EPC1: variants seen among roughly 807,000 people sequenced by gnomAD.
EPC1 encodes the protein enhancer of polycomb homolog 1.
In EPC1, 12 loss-of-function variants were observed where a neutral mutation model predicts 98.4. The observed-to-expected ratio is 0.12, with a 90% CI of 0.08 to 0.20. The LOEUF is 0.20. EPC1 is among the 10% of genes least tolerant of loss of function. The pLI, the probability that EPC1 is intolerant of heterozygous loss-of-function variation, is 1.00. For synonymous variants in EPC1, 357 were observed against 363.9 expected, an observed-to-expected ratio of 0.98 and a Z score of 0.21; for missense variants, 729 against 990.5, an observed-to-expected ratio of 0.74 and a Z score of 3.54.
At chr10:32,327,875 C>T (rs189752876) in intron 1 of EPC1, among the ~76,000 whole-genome samples, 16 of 152,302 alleles carry the variant, frequency 1.1e-4, no homozygotes, top group African/African-American at 9.6e-5. Flanking sequence ...TTGACTGAAA[C>T]GTCACTATGC....
At chr10:32,372,819 G>T (rs563665117) in intron 1 of EPC1, among the ~76,000 whole-genome samples, 1 of 152,162 alleles carries the variant, frequency 6.6e-6, no homozygotes, top group African/African-American at 2.4e-5. Flanking sequence ...TCAGGAGTTC[G>T]AGACTAGCCT....
intron 1 of EPC1, among the ~76,000 whole-genome samples, chr10:32,377,702 T>TC (rs1425038795): frequency 6.6e-6 from 1 of 152,186 alleles, no homozygotes; most frequent in Non-Finnish European, 1.5e-5. Context: ...TCTTTTTTTT[T>TC]CTTCCTTTTT....
intron 10 of EPC1, among the ~76,000 whole-genome samples, chr10:32,277,367 C>G (rs894135277): frequency 3.9e-5 from 6 of 152,146 alleles, no homozygotes; most frequent in Non-Finnish European, 8.8e-5. Context: ...GGTATGCTTC[C>G]ATGAGCAAAC....
chr10:32,323,319 A>C (rs1837051372), intron 1 of EPC1, among the ~76,000 whole-genome samples: 1 of 152,196 alleles, frequency 6.6e-6, no homozygotes, highest in South Asian at 2.1e-4. Flanking sequence ...CTGGTTAAAA[A>C]ATAAAAGGGA....
chr10:32,354,764 G>A (rs186381443), intron 1 of EPC1, among the ~76,000 whole-genome samples: 5 of 152,206 alleles, frequency 3.3e-5, no homozygotes, highest in African/African-American at 9.6e-5. Flanking sequence ...TGTATTTACA[G>A]CCAATCCCTA....
At position 32,287,282 on chromosome 10, in the gene EPC1, A is replaced by G; in HGVS notation, c.976-8T>C. On this transcript the variant is annotated splice_region_variant and splice_polypyrimidine_tract_variant and intron_variant, in intron 6 of 13. Coordinates refer to ENST00000319778, the MANE Select transcript of EPC1 (RefSeq NM_001272004.3). The stretch of plus-strand genomic sequence containing the variant: ...AAGATCGGCTTTATCTTGCTGCAAC[A>G]AAGACATGAATTAATTATACACCAG... 1 of 1,613,492 alleles carries G rather than the reference A, an allele frequency of 6.2e-7. No individual in the cohort carries two copies. Among genetic ancestry groups the G allele is most frequent in the East Asian group, 2.2e-5 (1 of 44,884 alleles).
intron 2 of EPC1, among the ~76,000 whole-genome samples, chr10:32,300,351 C>G (rs61844512): frequency 0.043 from 6,557 of 151,846 alleles, 192 homozygotes; most frequent in Non-Finnish European, 0.061. Flanking sequence ...CCCATTAACT[C>G]GTCATTTACA....
intron 10 of EPC1, among the ~76,000 whole-genome samples, chr10:32,276,123 C>T (rs1375939747): frequency 6.6e-6 from 1 of 152,098 alleles, no homozygotes; most frequent in Non-Finnish European, 1.5e-5. Flanking sequence ...GTCTAGGGGC[C>T]AAAAGACCTT....
intron 1 of EPC1, among the ~76,000 whole-genome samples, chr10:32,342,868 C>A (rs1227746045): frequency 8.5e-5 from 13 of 152,086 alleles, no homozygotes. Context: ...GAATTGTTAA[C>A]AACATAAAGC....
intron 1 of EPC1, among the ~76,000 whole-genome samples, chr10:32,361,528 T>C (rs1839443068): frequency 6.6e-6 from 1 of 152,228 alleles, no homozygotes; most frequent in South Asian, 2.1e-4. Context: ...TTTACTGTTT[T>C]CTCTTCTTTT....
intron 9 of EPC1, 70 bp downstream of exon 9, chr10:32,286,624 C>T: frequency 6.4e-7 from 1 of 1,559,288 alleles, no homozygotes; most frequent in Middle Eastern, 2.2e-4. Flanking sequence ...GATTACCTGA[C>T]TTTAAAAGTT....
intron 1 of EPC1, among the ~76,000 whole-genome samples, chr10:32,311,130 G>A (rs1329830923): frequency 1.3e-5 from 2 of 152,016 alleles, no homozygotes; most frequent in Non-Finnish European, 2.9e-5. Flanking sequence ...CTAACACGGT[G>A]AAACCCTGTC....
rs149145307 is a variant in EPC1 at position 32,358,364 on chromosome 10, A to G, written c.3+20127T>C. Among the ~76,000 whole-genome samples the G allele has an allele frequency of 3.9e-3, 594 of 152,198 alleles. 3 individuals carry two copies. The highest frequency in any genetic ancestry group is 0.014 in the African/African-American group (565 of 41,534). On this transcript the variant is annotated intron_variant, in intron 1 of 13. Transcript: ENST00000375110. ...AATAAAAATAAAAAGTGGGTTTAGGATGGGTGTGGTGTCTCACACCTTTAA... is the reference window on the plus strand; with the variant it reads ...AATAAAAATAAAAAGTGGGTTTAGGGTGGGTGTGGTGTCTCACACCTTTAA...
At chr10:32,271,266 C>T (rs1456035416) in intron 13 of EPC1, among the ~76,000 whole-genome samples, 1 of 152,178 alleles carries the variant, frequency 6.6e-6, no homozygotes, top group Non-Finnish European at 1.5e-5. Context: ...GCTAGGATTA[C>T]AGGCGTGAGC....
intron 2 of EPC1, among the ~76,000 whole-genome samples, chr10:32,295,483 T>G (rs1835098847): frequency 6.6e-6 from 1 of 152,200 alleles, no homozygotes; most frequent in South Asian, 2.1e-4. Context: ...GTATTCAGAC[T>G]ATAAAAATTT....
In EPC1 at chr10:32,290,505, A is replaced by AAAAAAAAAAGAAAGAAAG. The variant is rs1554819136; in HGVS notation, c.975+657_975+658insCTTTCTTTCTTTTTTTTT. ...TGTCAAAAAAAAAAAAAAAAAAAAA[A>AAAAAAAAAAGAAAGAAAG]AAAGAAAGAAAGAAAAACTCATCTG... On this transcript the variant is annotated intron_variant, in intron 6 of 13. Coordinates refer to ENST00000319778, the MANE Select transcript of EPC1 (RefSeq NM_001272004.3). Among the ~76,000 whole-genome samples, 61 of 77,496 alleles carry AAAAAAAAAAGAAAGAAAG rather than the reference A, an allele frequency of 7.9e-4. 1 individual carries two copies. The highest frequency in any genetic ancestry group is 1.2e-3 in the African/African-American group (22 of 18,090). The allele number at this position is 77,496 out of a possible 152,430, so 50.8% of individuals were successfully genotyped here.
At position 32,295,243 on chromosome 10, in the gene EPC1, C is replaced by G. The variant is rs75732988; in HGVS notation, c.314-1506G>C. Among the ~76,000 whole-genome samples, 20 of 152,112 alleles carry G rather than the reference C, an allele frequency of 1.3e-4. No homozygotes were observed. The East Asian group carries it at 3.9e-3, about 29-fold the overall frequency. ...GTATGCCACCTCTGTAATGTTACGT[C>G]TATTAAAGTGGGGGGAAATAACCTC... On this transcript the variant is annotated intron_variant, in intron 2 of 13. Coordinates refer to ENST00000319778, the MANE Select transcript of EPC1 (RefSeq NM_001272004.3).
intron 1 of EPC1, among the ~76,000 whole-genome samples, chr10:32,368,203 A>G (rs1258081293): frequency 1.3e-5 from 2 of 152,204 alleles, no homozygotes; most frequent in African/African-American, 4.8e-5. Flanking sequence ...TTTTCTGGCA[A>G]TTGACGCAAG....
chr10:32,349,372 A>C (rs1205213199), upstream of EPC1, among the ~76,000 whole-genome samples: 3 of 152,204 alleles, frequency 2.0e-5, no homozygotes, highest in Non-Finnish European at 2.9e-5. Context: ...AGAGAGTCTA[A>C]AATCACCCTC....
Sources: allele counts gnomAD v4.1 joint callset (sites outside exome capture counted in the v4.1 genomes callset), GRCh38; gene constraint gnomAD v4.1.1; transcripts MANE v1.5; gene names NCBI Gene and HGNC (gene_info 2026-07-23, HGNC 2026-07-21).